Variants in FER observed in about 807,000 individuals in gnomAD.
The protein encoded by FER is FER tyrosine kinase.
In FER, 63 loss-of-function variants were observed where a neutral mutation model predicts 111.0. The ratio of observed to expected loss-of-function variants is 0.57; its 90% CI spans 0.46 to 0.70. FER has a LOEUF of 0.70. FER is among the 30% of genes least tolerant of loss of function. The probability of loss-of-function intolerance (pLI) is 0.00; values close to 1 mark genes in which losing one functional copy is unlikely to be tolerated. For synonymous variants in FER, 327 were observed against 313.9 expected, an observed-to-expected ratio of 1.04 and a Z score of -0.44; for missense variants, 914 against 954.0, an observed-to-expected ratio of 0.96 and a Z score of 0.55.
chr5:108,964,158 G>A (rs978650789), intron 13 of FER, among the ~76,000 whole-genome samples: 2 of 152,072 alleles, frequency 1.3e-5, no homozygotes, highest in Admixed American at 1.3e-4. Flanking sequence ...TACTCACTCT[G>A]TGCTATGTTC....
At chr5:108,866,576 A>G (rs948110693) in intron 5 of FER, among the ~76,000 whole-genome samples, 11 of 152,166 alleles carry the variant, frequency 7.2e-5, no homozygotes, top group Non-Finnish European at 1.6e-4. Flanking sequence ...CCTAAAACTT[A>G]AAGTATTAAA....
chr5:109,105,008 G>A (rs1297102536), intron 17 of FER, among the ~76,000 whole-genome samples: 4 of 152,126 alleles, frequency 2.6e-5, no homozygotes, highest in African/African-American at 7.2e-5. Context: ...CTCCCAAAGT[G>A]CTGGGATTAC....
At chr5:108,892,615 G>A (rs989034563) in intron 9 of FER, among the ~76,000 whole-genome samples, 5 of 152,056 alleles carry the variant, frequency 3.3e-5, no homozygotes, top group African/African-American at 1.2e-4. Flanking sequence ...CTTTCTGTAG[G>A]TTGCCTGTTC....
intron 15 of FER, among the ~76,000 whole-genome samples, chr5:109,046,830 G>T (rs906064363): frequency 8.5e-5 from 13 of 152,104 alleles, no homozygotes; most frequent in African/African-American, 3.1e-4. Flanking sequence ...GGTGCGTGTA[G>T]GTTGTATGCA....
intron 13 of FER, among the ~76,000 whole-genome samples, chr5:108,976,516 A>G (rs2149710607): frequency 1.3e-5 from 2 of 152,122 alleles, no homozygotes; most frequent in African/African-American, 2.4e-5. Flanking sequence ...TGACCCCCTG[A>G]ACAATCTGGG....
At chr5:108,900,808 T>G (rs911979018) in intron 10 of FER, among the ~76,000 whole-genome samples, 1 of 152,190 alleles carries the variant, frequency 6.6e-6, no homozygotes, top group African/African-American at 2.4e-5. Flanking sequence ...GGGTTGGGGT[T>G]GTATAGTCAA....
chr5:109,189,158 T>C lies in FER; in HGVS notation c.*1583T>C, dbSNP rs1759185719. ...ACTCACTCAGTTAAAACTAGGATTCTGTATCTTAACTCTTATCTAGGGAAC... is the reference window on the plus strand; with the variant it reads ...ACTCACTCAGTTAAAACTAGGATTCCGTATCTTAACTCTTATCTAGGGAAC... On this transcript the variant is annotated 3_prime_UTR_variant, in exon 20 of 20. Transcript: ENST00000281092. The C allele has an allele frequency of 6.6e-6, 1 of 151,236 alleles. No homozygotes were observed. Among genetic ancestry groups the C allele is most frequent in the African/African-American group, 2.4e-5 (1 of 41,086 alleles). 9.4% of individuals were successfully genotyped at this position (151,236 alleles called of 1,614,324 possible). A position where few individuals can be genotyped will look rare whatever the true frequency, so the allele number is the denominator to read the frequency against.
chr5:109,113,006 A>G (rs146984727), intron 17 of FER, among the ~76,000 whole-genome samples: 1 of 152,214 alleles, frequency 6.6e-6, no homozygotes, highest in Admixed American at 6.6e-5. Flanking sequence ...TTCCTAATCC[A>G]TCTACCTGTC....
chr5:108,911,569 G>T (rs1751550982), intron 10 of FER, among the ~76,000 whole-genome samples: 1 of 151,958 alleles, frequency 6.6e-6, no homozygotes, highest in South Asian at 2.1e-4. Flanking sequence ...TGTTTCTTAG[G>T]TTTTCTTCTG....
chr5:108,807,966 G>C (rs576018196), intron 3 of FER, among the ~76,000 whole-genome samples: 5 of 148,478 alleles, frequency 3.4e-5, no homozygotes, highest in Non-Finnish European at 7.4e-5. Context: ...TTATTTCACT[G>C]TGGCCCAAGA....
At chr5:108,981,003 C>T (rs1378168616) in intron 13 of FER, among the ~76,000 whole-genome samples, 3 of 152,050 alleles carry the variant, frequency 2.0e-5, no homozygotes, top group African/African-American at 7.2e-5. Flanking sequence ...TGGAAAATGA[C>T]ATCAATAGAC....
At chr5:108,762,465 C>T (rs76766630) in intron 1 of FER, among the ~76,000 whole-genome samples, 199 of 152,292 alleles carry the variant, frequency 1.3e-3, no homozygotes, top group African/African-American at 4.3e-3. Flanking sequence ...TAAAAAGTCT[C>T]CCCACTACTA....
intron 13 of FER, among the ~76,000 whole-genome samples, chr5:109,033,543 C>A (rs1355372240): frequency 6.6e-6 from 1 of 152,130 alleles, no homozygotes. Flanking sequence ...TTTGACTTGC[C>A]CTCTGAAACC....
chr5:109,077,157 T>C (rs1194957018), intron 16 of FER, among the ~76,000 whole-genome samples: 1 of 152,216 alleles, frequency 6.6e-6, no homozygotes, highest in African/African-American at 2.4e-5. Context: ...ATTTTAACAA[T>C]ATTGCTAAAA....
intron 17 of FER, among the ~76,000 whole-genome samples, chr5:109,141,775 G>A (rs776512663): frequency 1.3e-5 from 2 of 152,192 alleles, no homozygotes; most frequent in Non-Finnish European, 2.9e-5. Context: ...TGCATTCAGT[G>A]TGGTGGAGAT....
chr5:108,888,404 G>C (rs764386820), intron 9 of FER, among the ~76,000 whole-genome samples: 45 of 151,810 alleles, frequency 3.0e-4, no homozygotes, highest in Non-Finnish European at 5.7e-4. Context: ...TATTATCATT[G>C]CTGTGAAATA....
chr5:109,139,604 CT>C (rs1753307104), intron 17 of FER, among the ~76,000 whole-genome samples: 1 of 151,962 alleles, frequency 6.6e-6, no homozygotes, highest in South Asian at 2.1e-4. Context: ...TTTTGTTTCA[CT>C]TTTTTGCCCA....
chr5:109,155,891 G>A (rs1307054604), intron 17 of FER, among the ~76,000 whole-genome samples: 1 of 151,982 alleles, frequency 6.6e-6, no homozygotes. Context: ...TAAGGTTTTT[G>A]AGAAAGTTTC....
intron 13 of FER, among the ~76,000 whole-genome samples, chr5:108,986,152 A>G (rs545642389): frequency 2.2e-3 from 338 of 152,172 alleles, no homozygotes; most frequent in African/African-American, 7.6e-3. Context: ...AGGTGGTATC[A>G]CATTGTGGTT....
Sources: allele counts gnomAD v4.1 joint callset (sites outside exome capture counted in the v4.1 genomes callset), GRCh38; gene constraint gnomAD v4.1.1; transcripts MANE v1.5; gene names NCBI Gene and HGNC (gene_info 2026-07-23, HGNC 2026-07-21).